MAP4K5: variants seen among roughly 807,000 people sequenced by gnomAD.
The protein encoded by MAP4K5 is MAPK/ERK kinase kinase kinase 5.
Under a neutral mutation model 135.6 loss-of-function variants are expected in MAP4K5, and 82 were observed. The observed-to-expected ratio is 0.60, with a 90% CI of 0.51 to 0.73. MAP4K5 has a LOEUF of 0.73. Among genes scored for constraint, MAP4K5 ranks in the 30% least tolerant of loss-of-function variants. The pLI is 0.00. For synonymous variants in MAP4K5, 347 were observed against 335.0 expected, an observed-to-expected ratio of 1.04 and a Z score of -0.39; for missense variants, 907 against 1,010.9, an observed-to-expected ratio of 0.90 and a Z score of 1.39.
At chr14:50,560,800 G>A (rs527471990) in intron 1 of MAP4K5, among the ~76,000 whole-genome samples, 4 of 152,174 alleles carry the variant, frequency 2.6e-5, no homozygotes, top group African/African-American at 7.2e-5. Context: ...CGGGCGGCGC[G>A]CTGGAACAAT....
intron 23 of MAP4K5, 102 bp downstream of exon 23, chr14:50,439,911 A>C: frequency 1.7e-6 from 2 of 1,183,894 alleles, no homozygotes; most frequent in Non-Finnish European, 2.3e-6. Context: ...ACTATATTAG[A>C]TTATAGTCAT....
intron 6 of MAP4K5, among the ~76,000 whole-genome samples, chr14:50,478,206 C>A (rs555256905): frequency 6.6e-6 from 1 of 152,196 alleles, no homozygotes; most frequent in Admixed American, 6.5e-5. Context: ...GTTCATAATA[C>A]TGTCTTGTTA....
chr14:50,495,477 C>A (rs541371503), intron 3 of MAP4K5, among the ~76,000 whole-genome samples: 2 of 152,248 alleles, frequency 1.3e-5, no homozygotes, highest in Admixed American at 1.3e-4. Context: ...ACTGACATTG[C>A]AAACTGGTGA....
intron 17 of MAP4K5, 77 bp from the exon 18 acceptor site, chr14:50,445,271 C>T: frequency 7.3e-7 from 1 of 1,370,620 alleles, no homozygotes; most frequent in Non-Finnish European, 1.0e-6. Flanking sequence ...GGAAATGCAC[C>T]TTTTTTCATT....
intron 2 of MAP4K5, among the ~76,000 whole-genome samples, chr14:50,523,091 C>A (rs2038184972): frequency 6.6e-6 from 1 of 152,138 alleles, no homozygotes; most frequent in South Asian, 2.1e-4. Flanking sequence ...GCGGGTGGAT[C>A]ACCTGAGGTC....
At chr14:50,441,743 T>TACACACACACAC (rs57651486) in intron 21 of MAP4K5, among the ~76,000 whole-genome samples, 1 of 141,636 alleles carries the variant, frequency 7.1e-6, no homozygotes, top group African/African-American at 2.6e-5. Flanking sequence ...AATTATTTTA[T>TACACACACACAC]ACACACACAC....
intron 1 of MAP4K5, among the ~76,000 whole-genome samples, chr14:50,558,513 T>C (rs973209636): frequency 6.6e-5 from 10 of 152,214 alleles, no homozygotes; most frequent in African/African-American, 2.4e-4. Flanking sequence ...GAGCTATTTA[T>C]TTAAGCATTT....
intron 28 of MAP4K5, among the ~76,000 whole-genome samples, chr14:50,432,984 T>C (rs111823559): frequency 0.062 from 9,472 of 152,130 alleles, 278 homozygotes; most frequent in Middle Eastern, 0.072. Context: ...ATTACAGACA[T>C]GCACCACCAC....
intron 6 of MAP4K5, among the ~76,000 whole-genome samples, chr14:50,480,453 T>C (rs2037213685): frequency 6.6e-6 from 1 of 150,528 alleles, no homozygotes; most frequent in Admixed American, 6.6e-5. Context: ...CCTCCGACCA[T>C]ATCAAATCCC....
intron 13 of MAP4K5, among the ~76,000 whole-genome samples, chr14:50,457,007 T>A (rs1270419527): frequency 6.6e-6 from 1 of 152,196 alleles, no homozygotes; most frequent in Non-Finnish European, 1.5e-5. Context: ...GAAGTACCAG[T>A]ATGTACTGAA....
chr14:50,537,012 AAT>A (rs1339701650), upstream of MAP4K5, among the ~76,000 whole-genome samples: 1 of 152,268 alleles, frequency 6.6e-6, no homozygotes, highest in Non-Finnish European at 1.5e-5. Flanking sequence ...GCTGAATATT[AAT>A]TCCAAAGACA....
At position 50,550,152 on chromosome 14, in the gene MAP4K5, G is replaced by A. The variant is rs567659815; in HGVS notation, c.-179-7568C>T. Among the ~76,000 whole-genome samples the A allele has an allele frequency of 4.9e-4, 75 of 152,314 alleles. 1 individual carries two copies. The highest frequency in any genetic ancestry group is 1.8e-3 in the African/African-American group (75 of 41,574). Reference sequence around the variant, plus strand: ...TGATATCAACATCAGCAGCACTGATGCCTGCTGGAGTGGTCATAGTGCAGA... The same window carrying A: ...TGATATCAACATCAGCAGCACTGATACCTGCTGGAGTGGTCATAGTGCAGA... On this transcript the variant is annotated intron_variant, in intron 1 of 8. Transcript: ENST00000555216.
intron 23 of MAP4K5, among the ~76,000 whole-genome samples, chr14:50,438,623 T>C (rs1489770798): frequency 6.6e-6 from 1 of 152,176 alleles, no homozygotes; most frequent in Non-Finnish European, 1.5e-5. Context: ...GATTTCTCAC[T>C]ATATATGGTA....
At chr14:50,441,334 GATA>G (rs1357122205) in intron 21 of MAP4K5, among the ~76,000 whole-genome samples, 1 of 152,058 alleles carries the variant, frequency 6.6e-6, no homozygotes, top group African/African-American at 2.4e-5. Context: ...CCAACAGATC[GATA>G]TTAACATCAC....
intron 1 of MAP4K5, among the ~76,000 whole-genome samples, chr14:50,553,927 A>G (rs1007662288): frequency 6.6e-6 from 1 of 152,186 alleles, no homozygotes. Flanking sequence ...TAAGAATGAT[A>G]TAATGGACTT....
chr14:50,462,747 G>A lies in MAP4K5; in HGVS notation c.854C>T (p.Ala285Val). 2 of 1,609,020 alleles carry A rather than the reference G, an allele frequency of 1.2e-6. No individual in the cohort carries two copies. Among genetic ancestry groups the A allele is most frequent in the South Asian group, 1.1e-5 (1 of 90,170 alleles). ...TFVAQPGLSRALAVELLDKVN... is the reference protein window; with the variant it reads ...TFVAQPGLSRVLAVELLDKVN... The stretch of plus-strand genomic sequence containing the variant: ...TTTGTCTAACAGTTCAACTGCTAGG[G>A]CTCTAGAGAGACCTGGCTGTGCAAC... The change falls in exon 13 of 33, where the codon GCC becomes GTC. Residue 285 changes from alanine to valine, a missense_variant. Physicochemically the swap from Ala to Val is moderately conservative, Grantham distance 64. Transcript: ENST00000682126.
chr14:50,531,294 C>T (rs1027805930), intron 2 of MAP4K5, among the ~76,000 whole-genome samples: 3 of 152,172 alleles, frequency 2.0e-5, no homozygotes, highest in Admixed American at 6.5e-5. Flanking sequence ...CGGCTCATAT[C>T]CACTCTTGGT....
At chr14:50,453,782 C>T (rs968906224) in intron 14 of MAP4K5, among the ~76,000 whole-genome samples, 1 of 152,122 alleles carries the variant, frequency 6.6e-6, no homozygotes, top group Non-Finnish European at 1.5e-5. Flanking sequence ...TTCACCTGAA[C>T]TCTACTCTTT....
At chr14:50,488,779 T>C (rs1356358854) in intron 3 of MAP4K5, among the ~76,000 whole-genome samples, 1 of 152,234 alleles carries the variant, frequency 6.6e-6, no homozygotes, top group Non-Finnish European at 1.5e-5. Flanking sequence ...GCACAGGTTA[T>C]TAATAAGTCA....
Sources: gnomAD v4.1 joint callset for allele counts (sites outside exome capture counted in the v4.1 genomes callset) on GRCh38, gnomAD v4.1.1 for gene constraint, MANE v1.5 for transcripts, NCBI Gene and HGNC (gene_info 2026-07-23, HGNC 2026-07-21) for gene names.